STIMATE: variants seen among roughly 807,000 people sequenced by gnomAD.
STIMATE encodes the protein STIM activating enhancer, also known as store-operated calcium entry regulator STIMATE.
A neutral mutation model predicts 36.7 loss-of-function variants in STIMATE; 15 were observed. The ratio of observed to expected loss-of-function variants is 0.41; its 90% confidence interval spans 0.27 to 0.63. The LOEUF is 0.63. Among genes scored for constraint, STIMATE ranks in the 20% least tolerant of loss-of-function variants. STIMATE has a pLI of 0.32. For synonymous variants in STIMATE, 163 were observed against 162.3 expected, an observed-to-expected ratio of 1.00 and a Z score of -0.03; for missense variants, 305 against 397.3, an observed-to-expected ratio of 0.77 and a Z score of 1.98.
chr3:52,842,768 C>T (rs780983829), intron 7 of STIMATE, 43 bp downstream of exon 7: 17 of 1,611,862 alleles, frequency 1.1e-5, no homozygotes, highest in Middle Eastern at 1.8e-4. Context: ...CTTGGGCCAG[C>T]GATACGACGG....
intron 6 of STIMATE, 88 bp downstream of exon 6, chr3:52,843,633 G>A (rs56008508): frequency 0.98 from 1,573,517 of 1,604,514 alleles, 776,444 homozygotes; most frequent in East Asian, 1. Flanking sequence ...GAGGGCTACA[G>A]GTGAGCTTTC....
chr3:52,843,130 G>T, intron 6 of STIMATE, 170 bp from the exon 7 acceptor site: 2 of 1,252,004 alleles, frequency 1.6e-6, no homozygotes, highest in Non-Finnish European at 2.2e-6. Context: ...GAGATTCCCA[G>T]TCTCCACATC....
chr3:52,894,403 G>C (rs1214263863), intron 1 of STIMATE, among the ~76,000 whole-genome samples: 2 of 152,098 alleles, frequency 1.3e-5, no homozygotes, highest in Non-Finnish European at 2.9e-5. Context: ...TCAACTGCCT[G>C]GACCAAGAGG....
chr3:52,895,001 G>C (rs958238262), intron 1 of STIMATE, among the ~76,000 whole-genome samples: 9 of 152,236 alleles, frequency 5.9e-5, no homozygotes, highest in African/African-American at 1.2e-4. Context: ...GGGCTGCGAG[G>C]GGGACCCTCG....
intron 2 of STIMATE, 91 bp downstream of exon 2, chr3:52,855,305 T>C: frequency 6.8e-7 from 1 of 1,476,590 alleles, no homozygotes; most frequent in Non-Finnish European, 9.2e-7. Context: ...TTCCATGCCC[T>C]CCCCACTCCA....
Position 52,840,335 on chromosome 3 carries a change from G to T in STIMATE, c.*159C>A. The T allele has an allele frequency of 1.2e-6, 1 of 832,348 alleles. No homozygotes were observed. Among genetic ancestry groups the T allele is most frequent in the African/African-American group, 1.7e-5 (1 of 58,520 alleles). The allele number at this position is 832,348 out of a possible 1,614,324, so 51.6% of individuals were successfully genotyped here. A position where few individuals can be genotyped will look rare whatever the true frequency, so the allele number is the denominator to read the frequency against. ...GCTGGCTCCTCTTCCCTCTTTTTAAGTCACAGTAGTCTGGGGGCAGGCGAG... is the reference window on the plus strand; with the variant it reads ...GCTGGCTCCTCTTCCCTCTTTTTAATTCACAGTAGTCTGGGGGCAGGCGAG... On this transcript the variant is annotated 3_prime_UTR_variant, in exon 8 of 8. Coordinates refer to ENST00000355083, the MANE Select transcript of STIMATE (RefSeq NM_198563.5).
intron 1 of STIMATE, among the ~76,000 whole-genome samples, chr3:52,892,906 A>C (rs1049259804): frequency 5.3e-5 from 8 of 152,320 alleles, no homozygotes; most frequent in Middle Eastern, 3.4e-3. Flanking sequence ...TCTGAATCTA[A>C]TAACTGCTCC....
At chr3:52,874,412 A>G (rs770303096) in intron 1 of STIMATE, among the ~76,000 whole-genome samples, 13 of 152,346 alleles carry the variant, frequency 8.5e-5, no homozygotes, top group Non-Finnish European at 1.8e-4. Context: ...AGATACACAC[A>G]CACACAGAAA....
chr3:52,849,410 G>C (rs1380925303), intron 4 of STIMATE, among the ~76,000 whole-genome samples: 1 of 152,216 alleles, frequency 6.6e-6, no homozygotes, highest in African/African-American at 2.4e-5. Flanking sequence ...AATGAGAGCT[G>C]CCCCATCTCT....
At chr3:52,877,655 T>C (rs973989721) in intron 1 of STIMATE, among the ~76,000 whole-genome samples, 1 of 152,172 alleles carries the variant, frequency 6.6e-6, no homozygotes, top group South Asian at 2.1e-4. Context: ...ACTGATGACA[T>C]GGTGTGAACT....
At chr3:52,891,706 T>A (rs1701785050) in intron 1 of STIMATE, among the ~76,000 whole-genome samples, 1 of 152,108 alleles carries the variant, frequency 6.6e-6, no homozygotes. Flanking sequence ...CCATGCACTC[T>A]GTGAAGAGGG....
At position 52,838,847 on chromosome 3, in the gene STIMATE, T is replaced by C. The variant is rs1445058247; in HGVS notation, c.*1647A>G. On this transcript the variant is annotated 3_prime_UTR_variant, in exon 8 of 8. Transcript: ENST00000355083. Reference sequence around the variant, plus strand: ...TGTGCTTAAGTGAAACACGTGCTCATGCAGGTCTAAAAGGAAGGTCCTAAG... The same window carrying C: ...TGTGCTTAAGTGAAACACGTGCTCACGCAGGTCTAAAAGGAAGGTCCTAAG... 2.0e-5 allele frequency: 3 copies of C among 152,266 alleles called. No homozygotes were observed. Among genetic ancestry groups the C allele is most frequent in the Non-Finnish European group, 4.4e-5 (3 of 68,062 alleles). 9.4% of individuals were successfully genotyped at this position (152,266 alleles called of 1,614,324 possible).
intron 1 of STIMATE, among the ~76,000 whole-genome samples, chr3:52,879,643 A>G (rs888956816): frequency 2.6e-5 from 4 of 152,212 alleles, no homozygotes; most frequent in Admixed American, 2.0e-4. Context: ...TCAACTCCCA[A>G]TGCTCACTTT....
intron 4 of STIMATE, chr3:52,847,187 C>T: frequency 9.7e-7 from 1 of 1,032,690 alleles, no homozygotes; most frequent in Non-Finnish European, 1.2e-6. Flanking sequence ...CTGGGAATGA[C>T]AGGTGTGAGC....
intron 1 of STIMATE, among the ~76,000 whole-genome samples, chr3:52,883,773 T>C (rs1701648116): frequency 6.6e-6 from 1 of 152,250 alleles, no homozygotes; most frequent in Non-Finnish European, 1.5e-5. Flanking sequence ...AGAAGTTCCA[T>C]TTGCTTTGCT....
At chr3:52,843,526 G>C (rs775274726) in intron 6 of STIMATE, among the ~76,000 whole-genome samples, 195 bp downstream of exon 6, 2 of 152,162 alleles carry the variant, frequency 1.3e-5, no homozygotes, top group Non-Finnish European at 2.9e-5. Flanking sequence ...ATCCTGGACG[G>C]GAGCCCTGGT....
At chr3:52,866,094 GC>G (rs1326003183) in intron 1 of STIMATE, among the ~76,000 whole-genome samples, 2 of 152,136 alleles carry the variant, frequency 1.3e-5, no homozygotes, top group Non-Finnish European at 2.9e-5. Flanking sequence ...GCCTGTGTGG[GC>G]CCATATCTGA....
intron 1 of STIMATE, among the ~76,000 whole-genome samples, chr3:52,877,570 G>T (rs975175923): frequency 6.0e-5 from 9 of 151,012 alleles, no homozygotes; most frequent in Admixed American, 1.3e-4. Context: ...GAAAGTCTCC[G>T]GTGAGCCATT....
intron 7 of STIMATE, among the ~76,000 whole-genome samples, chr3:52,841,440 C>T (rs1700796122): frequency 6.6e-6 from 1 of 152,224 alleles, no homozygotes; most frequent in African/African-American, 2.4e-5. Flanking sequence ...AATGACTCAG[C>T]CATGCAGCTG....
Sources: allele counts gnomAD v4.1 joint callset (sites outside exome capture counted in the v4.1 genomes callset), GRCh38; gene constraint gnomAD v4.1.1; transcripts MANE v1.5; gene names NCBI Gene and HGNC (gene_info 2026-07-23, HGNC 2026-07-21).